Variants in SLC14A2 observed in about 807,000 individuals in gnomAD.
The protein encoded by SLC14A2 is urea transporter 2.
SLC14A2 carries 91 observed loss-of-function variants against 104.6 expected under a neutral mutation model. The observed-to-expected ratio is 0.87, with a 90% CI of 0.73 to 1.04. SLC14A2 has a LOEUF of 1.04. Ranked by LOEUF, SLC14A2 falls within the 50% of genes least tolerant of loss-of-function variation. SLC14A2 has a pLI of 0.00. For missense variants in SLC14A2, 1,189 were observed against 1,156.0 expected, an observed-to-expected ratio of 1.03 and a Z score of -0.41; for synonymous variants, 476 against 466.4, an observed-to-expected ratio of 1.02 and a Z score of -0.27.
At chr18:45,350,364 T>C (rs985161641) in intron 1 of SLC14A2, among the ~76,000 whole-genome samples, 1 of 152,180 alleles carries the variant, frequency 6.6e-6, no homozygotes, top group African/African-American at 2.4e-5. Context: ...TACAGTTGAT[T>C]ATAAAACAAA....
intron 2 of SLC14A2, among the ~76,000 whole-genome samples, chr18:45,603,357 T>C (rs1488516077): frequency 6.6e-6 from 1 of 152,090 alleles, no homozygotes; most frequent in African/African-American, 2.4e-5. Flanking sequence ...CAGAGAGTGG[T>C]CTGATCTTTG....
intron 2 of SLC14A2, among the ~76,000 whole-genome samples, chr18:45,572,545 C>G (rs2044362522): frequency 6.6e-6 from 1 of 152,204 alleles, no homozygotes; most frequent in African/African-American, 2.4e-5. Context: ...ATGTTTAACC[C>G]TGGCATTCAC....
chr18:45,377,700 T>TCACTCC lies in SLC14A2; in HGVS notation c.-124-105528_-124-105523dup, dbSNP rs888703151. Among the ~76,000 whole-genome samples, 5 of 152,190 alleles carry TCACTCC rather than the reference T, an allele frequency of 3.3e-5. No homozygotes were observed. In the East Asian group the frequency reaches 7.7e-4, roughly 23 times the overall value. On this transcript the variant is annotated intron_variant, in intron 1 of 20. Coordinates refer to the SLC14A2 transcript ENST00000586448. ...CTCTACCTCTAAGACACCTGCATTT[T>TCACTCC]CACTCCCACTTCCAATCCATCCCAA...
intron 1 of SLC14A2, among the ~76,000 whole-genome samples, chr18:45,428,270 A>G (rs1299106150): frequency 2.0e-5 from 3 of 152,238 alleles, no homozygotes; most frequent in Non-Finnish European, 4.4e-5. Flanking sequence ...TAGGGATAGC[A>G]TATATTTTAG....
chr18:45,220,117 T>A (rs1030204857), intron 1 of SLC14A2, among the ~76,000 whole-genome samples: 3 of 152,208 alleles, frequency 2.0e-5, no homozygotes, highest in Admixed American at 2.0e-4. Context: ...GATCTGATAT[T>A]GCTCTCTATC....
At chr18:45,587,218 G>T (rs181722414) in intron 2 of SLC14A2, among the ~76,000 whole-genome samples, 50 of 152,006 alleles carry the variant, frequency 3.3e-4, no homozygotes, top group Non-Finnish European at 6.6e-4. Context: ...CAAGTGATCC[G>T]CCTGCCTCGG....
At chr18:45,239,804 A>G (rs752306082) in intron 1 of SLC14A2, among the ~76,000 whole-genome samples, 1 of 152,206 alleles carries the variant, frequency 6.6e-6, no homozygotes, top group Non-Finnish European at 1.5e-5. Context: ...AGGAGCTAAC[A>G]TTTAAATAGC....
chr18:45,428,361 C>T (rs2086464902), intron 1 of SLC14A2, among the ~76,000 whole-genome samples: 1 of 152,154 alleles, frequency 6.6e-6, no homozygotes, highest in South Asian at 2.1e-4. Context: ...TAGAAATGAT[C>T]CATGTTTAAG....
intron 1 of SLC14A2, among the ~76,000 whole-genome samples, chr18:45,216,219 T>C (rs890940668): frequency 3.0e-4 from 45 of 152,240 alleles, no homozygotes; most frequent in African/African-American, 1.0e-3. Flanking sequence ...TGGTTTGGTC[T>C]AATTTGGGCA....
At chr18:45,322,923 A>G (rs1427205398) in intron 1 of SLC14A2, among the ~76,000 whole-genome samples, 1 of 152,230 alleles carries the variant, frequency 6.6e-6, no homozygotes, top group Non-Finnish European at 1.5e-5. Context: ...ACTGGAGATC[A>G]CACAAACTTT....
At chr18:45,304,314 A>G (rs962138372) in intron 1 of SLC14A2, among the ~76,000 whole-genome samples, 1 of 152,228 alleles carries the variant, frequency 6.6e-6, no homozygotes, top group African/African-American at 2.4e-5. Context: ...TGGGTTTCTC[A>G]TGGCATAGGG....
chr18:45,361,223 C>T (rs751189043), intron 1 of SLC14A2, among the ~76,000 whole-genome samples: 29 of 152,128 alleles, frequency 1.9e-4, no homozygotes, highest in Admixed American at 3.9e-4. Flanking sequence ...CCCTTATTTG[C>T]GTAATAAACC....
chr18:45,393,174 G>A (rs1378694466), intron 1 of SLC14A2, among the ~76,000 whole-genome samples: 2 of 152,078 alleles, frequency 1.3e-5, no homozygotes, highest in Non-Finnish European at 2.9e-5. Flanking sequence ...TTATCCCAAA[G>A]GAGCTTACGT....
At chr18:45,261,110 C>A (rs1255663929) in intron 1 of SLC14A2, among the ~76,000 whole-genome samples, 1 of 151,644 alleles carries the variant, frequency 6.6e-6, no homozygotes, top group Non-Finnish European at 1.5e-5. Context: ...TGTGCTGCAC[C>A]CATTAACTCG....
chr18:45,642,446 G>C (rs1391520872), intron 8 of SLC14A2, among the ~76,000 whole-genome samples: 1 of 152,190 alleles, frequency 6.6e-6, no homozygotes, highest in African/African-American at 2.4e-5. Context: ...GGGAGGCTAG[G>C]GTTTATCTCA....
At chr18:45,618,136 G>C (rs561541228) in intron 1 of SLC14A2, among the ~76,000 whole-genome samples, 46 of 152,274 alleles carry the variant, frequency 3.0e-4, no homozygotes, top group African/African-American at 1.1e-3. Context: ...CTGCCTCATG[G>C]GAAAGGGACC....
chr18:45,355,882 A>G (rs2085548897), intron 1 of SLC14A2, among the ~76,000 whole-genome samples: 1 of 152,182 alleles, frequency 6.6e-6, no homozygotes, highest in Non-Finnish European at 1.5e-5. Context: ...AAAGAGACCT[A>G]GATGGGTTAA....
intron 10 of SLC14A2, among the ~76,000 whole-genome samples, chr18:45,657,013 G>C (rs569167321): frequency 6.6e-6 from 1 of 152,292 alleles, no homozygotes; most frequent in East Asian, 1.9e-4. Flanking sequence ...CATGGACCTG[G>C]TCTTCCTCTT....
chr18:45,252,963 A>G (rs1467901750), intron 1 of SLC14A2, among the ~76,000 whole-genome samples: 1 of 152,186 alleles, frequency 6.6e-6, no homozygotes, highest in Non-Finnish European at 1.5e-5. Context: ...AATTTAACAT[A>G]AGGACAGCTA....
Sources: allele counts gnomAD v4.1 joint callset (sites outside exome capture counted in the v4.1 genomes callset), GRCh38; gene constraint gnomAD v4.1.1; transcripts MANE v1.5; gene names NCBI Gene and HGNC (gene_info 2026-07-23, HGNC 2026-07-21).